The following IL17RA variants were observed in gnomAD, a reference collection of about 807,000 sequenced individuals.
IL17RA encodes interleukin 17 receptor A.
IL17RA carries 34 observed loss-of-function variants against 50.4 expected under a neutral mutation model. The ratio of observed to expected loss-of-function variants is 0.67; its 90% CI spans 0.51 to 0.90. The LOEUF (loss-of-function observed/expected upper bound fraction) is 0.90, where lower values mean the gene tolerates loss of function less well. Among genes scored for constraint, IL17RA ranks in the 40% least tolerant of loss-of-function variants. The pLI is 0.00. For missense variants in IL17RA, 1,276 were observed against 1,169.8 expected, an observed-to-expected ratio of 1.09 and a Z score of -1.32; for synonymous variants, 585 against 510.4, an observed-to-expected ratio of 1.15 and a Z score of -1.97.
chr22:17,094,602 C>A (rs1268092070), intron 1 of IL17RA, among the ~76,000 whole-genome samples: 2 of 140,814 alleles, frequency 1.4e-5, no homozygotes, highest in African/African-American at 5.3e-5. Context: ...TTGCCCCCAG[C>A]AAACTGTGTT....
intron 7 of IL17RA, among the ~76,000 whole-genome samples, chr22:17,102,588 A>G (rs2061395886): frequency 6.9e-6 from 1 of 145,784 alleles, no homozygotes; most frequent in Non-Finnish European, 1.6e-5. Flanking sequence ...TATTACAAAA[A>G]GGATTTGAGG....
intron 7 of IL17RA, 122 bp downstream of exon 7, chr22:17,102,424 T>A: frequency 9.6e-7 from 1 of 1,046,020 alleles, no homozygotes; most frequent in Non-Finnish European, 1.5e-6. Context: ...GGGCTGTGCT[T>A]AGTCCATAGT....
rs1238314130 is a variant in IL17RA at position 17,112,861 on chromosome 22, G to A, written c.*3041G>A. ...TCCTGAGTGTGCAGAGGTGGTTCCGGTTGGGAAAGAAGCAGCGGAGCATCT... is the reference window on the plus strand; with the variant it reads ...TCCTGAGTGTGCAGAGGTGGTTCCGATTGGGAAAGAAGCAGCGGAGCATCT... On this transcript the variant is annotated 3_prime_UTR_variant, in exon 13 of 13. Coordinates refer to ENST00000319363, the MANE Select transcript of IL17RA (RefSeq NM_014339.7). 2 of 152,174 alleles carry A rather than the reference G, an allele frequency of 1.3e-5. No individual in the cohort carries two copies. Among genetic ancestry groups the A allele is most frequent in the Admixed American group, 6.5e-5 (1 of 15,280 alleles). 9.4% of individuals were successfully genotyped at this position (152,174 alleles called of 1,614,324 possible). A position where few individuals can be genotyped will look rare whatever the true frequency, so the allele number is the denominator to read the frequency against.
At position 17,094,670 on chromosome 22, in the gene IL17RA, T is replaced by TCTCTCTCTCTCTCTCC. The variant is rs1208879230; in HGVS notation, c.139-2377_139-2376insCCTCTCTCTCTCTCTC. 5.7e-4 allele frequency among the ~76,000 whole-genome samples: 28 copies of TCTCTCTCTCTCTCTCC among 48,946 alleles called. 1 individual carries two copies. Among genetic ancestry groups the TCTCTCTCTCTCTCTCC allele is most frequent in the East Asian group, 7.6e-4 (2 of 2,616 alleles). The allele number at this position is 48,946 out of a possible 152,430, so 32.1% of individuals were successfully genotyped here. A position where few individuals can be genotyped will look rare whatever the true frequency, so the allele number is the denominator to read the frequency against. ...GTCATACACACACTCTCTCTCTCTC[T>TCTCTCTCTCTCTCTCC]CTCTCTCTCTCTCTCTCTCTCTATA... On this transcript the variant is annotated intron_variant, in intron 1 of 12. Coordinates refer to ENST00000319363, the MANE Select transcript of IL17RA (RefSeq NM_014339.7).
chr22:17,106,777 T>G (rs2061416634), intron 11 of IL17RA, among the ~76,000 whole-genome samples: 1 of 152,206 alleles, frequency 6.6e-6, no homozygotes, highest in Non-Finnish European at 1.5e-5. Flanking sequence ...TGGGAGGACC[T>G]ATGGGAGGTT....
At chr22:17,106,303 G>A (rs975863115) in intron 11 of IL17RA, among the ~76,000 whole-genome samples, 26 of 152,184 alleles carry the variant, frequency 1.7e-4, no homozygotes, top group Non-Finnish European at 5.9e-5. Context: ...GCCGCCAGAC[G>A]TGGACGCCTG....
intron 1 of IL17RA, among the ~76,000 whole-genome samples, chr22:17,087,649 C>T (rs935885275): frequency 5.9e-5 from 9 of 152,224 alleles, no homozygotes; most frequent in African/African-American, 2.2e-4. Flanking sequence ...CCTCAAAACC[C>T]AGATGACTGA....
rs767714232 is a variant in IL17RA at position 17,108,947 on chromosome 22, C to T, written c.1728C>T (p.Asp576=). The T allele has an allele frequency of 2.1e-5, 34 of 1,608,900 alleles. No individual in the cohort carries two copies. Among genetic ancestry groups the T allele is most frequent in the Non-Finnish European group, 2.8e-5 (33 of 1,178,990 alleles). The change falls in exon 13 of 13, where the codon GAC becomes GAT. Residue 576 remains aspartate, a synonymous_variant. Coordinates refer to ENST00000319363, the MANE Select transcript of IL17RA (RefSeq NM_014339.7). ...GCGCCGCCCTGGACAGGTTCCGGGA[C>T]TGGCAGGTCCGCTGTCCCGACTGGT... The part of the protein sequence containing the change: ...QLRAALDRFR[D]WQVRCPDWFE...
At chr22:17,086,860 T>C (rs958141929) in intron 1 of IL17RA, among the ~76,000 whole-genome samples, 11 of 151,804 alleles carry the variant, frequency 7.2e-5, no homozygotes, top group Admixed American at 5.9e-4. Context: ...GAATGGAGGG[T>C]CTGTGTAATA....
In IL17RA at chr22:17,094,716, T is replaced by TATATATATATTC. The variant is rs1178787318; in HGVS notation, c.139-2344_139-2343insATATATATTCAT. Among the ~76,000 whole-genome samples the TATATATATATTC allele has an allele frequency of 4.6e-4, 54 of 118,538 alleles. 1 individual carries two copies. The highest frequency in any genetic ancestry group is 1.8e-3 in the African/African-American group (53 of 29,530). The allele number at this position is 118,538 out of a possible 152,430, so 77.8% of individuals were successfully genotyped here. ...CTATATATATATATATATATATATA[T>TATATATATATTC]ATTCAGGGAGATCTTTTTCATGACT... On this transcript the variant is annotated intron_variant, in intron 1 of 12. Coordinates refer to ENST00000319363, the MANE Select transcript of IL17RA (RefSeq NM_014339.7).
intron 1 of IL17RA, among the ~76,000 whole-genome samples, chr22:17,088,309 CTTAT>C (rs567630756): frequency 6.6e-6 from 1 of 151,904 alleles, no homozygotes; most frequent in Non-Finnish European, 1.5e-5. Context: ...GGAGGTATCC[CTTAT>C]TTATTTATTT....
intron 4 of IL17RA, 135 bp from the exon 5 acceptor site, chr22:17,100,220 T>G: frequency 9.7e-7 from 1 of 1,031,584 alleles, no homozygotes; most frequent in Non-Finnish European, 1.5e-6. Flanking sequence ...TGACCTTGGA[T>G]TTTGCTGTGG....
intron 10 of IL17RA, 23 bp from the exon 11 acceptor site, chr22:17,105,829 CT>C (rs1465524972): frequency 2.5e-5 from 10 of 392,908 alleles, no homozygotes. Context: ...CGCCGCATCA[CT>C]CACGCTGTTC....
chr22:17,088,898 C>T (rs1307841857), intron 1 of IL17RA, among the ~76,000 whole-genome samples: 8 of 151,966 alleles, frequency 5.3e-5, no homozygotes, highest in Non-Finnish European at 1.0e-4. Flanking sequence ...CAGGCTCAAG[C>T]GATTCTCCTG....
intron 7 of IL17RA, among the ~76,000 whole-genome samples, chr22:17,103,143 TAAAAAA>T (rs35507642): frequency 6.6e-6 from 1 of 150,974 alleles, no homozygotes; most frequent in Admixed American, 6.6e-5. Context: ...ACTCCATCTC[TAAAAAA>T]AAAGAAATAA....
intron 7 of IL17RA, 136 bp downstream of exon 7, chr22:17,102,438 C>A: frequency 1.1e-6 from 1 of 947,538 alleles, no homozygotes; most frequent in Non-Finnish European, 1.7e-6. Context: ...CCATAGTGAT[C>A]ATGGCGCCTT....
In IL17RA at chr22:17,109,748, G is replaced by C; in HGVS notation, c.2529G>C (p.Leu843=). Residue 843 remains leucine, a synonymous_variant, in exon 13 of 13, where the codon CTG becomes CTC. Coordinates refer to ENST00000319363, the MANE Select transcript of IL17RA (RefSeq NM_014339.7). ...GCCTGAGGAGCCTCCAGCGGCAGCT[G>C]CTTTTCCGCCAGCTGCAGAAGAACT... is the stretch of plus-strand genomic sequence containing the variant. The part of the protein sequence containing the change: ...LESLRSLQRQ[L]LFRQLQKNSG... 6 of 1,560,326 alleles carry C rather than the reference G, an allele frequency of 3.8e-6. No homozygotes were observed. Among genetic ancestry groups the C allele is most frequent in the Non-Finnish European group, 5.2e-6 (6 of 1,152,638 alleles).
intron 4 of IL17RA, among the ~76,000 whole-genome samples, chr22:17,100,140 T>TA (rs1568919423): frequency 4.1e-4 from 31 of 76,406 alleles, no homozygotes; most frequent in Admixed American, 1.3e-3. Flanking sequence ...AGATCCAGGT[T>TA]TAAAAAAAAA....
In IL17RA at chr22:17,103,643, G is replaced by A. The variant is rs550179690; in HGVS notation, c.846+66G>A. 8.2e-6 allele frequency: 10 copies of A among 1,221,776 alleles called. No individual in the cohort carries two copies. The East Asian group carries it at 2.0e-4, about 25-fold the overall frequency. 75.7% of individuals were successfully genotyped at this position (1,221,776 alleles called of 1,614,324 possible). On this transcript the variant is annotated intron_variant, in intron 8 of 12. Transcript: ENST00000319363. Reference sequence around the variant, plus strand: ...GGTGGCAATTATAGAGTGGACAGGAGTGAGGAGTGTGCACAGGTGAAGAGT... The same window carrying A: ...GGTGGCAATTATAGAGTGGACAGGAATGAGGAGTGTGCACAGGTGAAGAGT...
Sources: allele counts gnomAD v4.1 joint callset (sites outside exome capture counted in the v4.1 genomes callset), GRCh38; gene constraint gnomAD v4.1.1; transcripts MANE v1.5; gene names NCBI Gene and HGNC (gene_info 2026-07-23, HGNC 2026-07-21).